LRRC53: variants seen among roughly 807,000 people sequenced by gnomAD.
LRRC53 encodes leucine rich repeat containing 53.
A neutral mutation model predicts 13.6 loss-of-function variants in LRRC53; 25 were observed. The ratio of observed to expected loss-of-function variants is 1.83; its 90% confidence interval spans 1.34 to 2.56. The LOEUF (loss-of-function observed/expected upper bound fraction) is 2.56. Among genes scored for constraint, LRRC53 ranks in the 30% most tolerant of loss-of-function variants. LRRC53 has a pLI of 0.00. For missense variants in LRRC53, 527 were observed against 275.8 expected (o/e 1.91, Z -6.45); for synonymous variants, 204 against 109.8 (o/e 1.86, Z -5.37).
rs201340993 is a variant in LRRC53, at chr1:74,492,212, G to C, written c.-26-8837C>G. 41 of 1,612,732 alleles carry C rather than the reference G, an allele frequency of 2.5e-5. No homozygotes were observed. The highest frequency in any genetic ancestry group is 2.8e-5 in the Non-Finnish European group (33 of 1,179,068). On this transcript the variant is annotated intron_variant, in intron 1 of 4. Transcript: ENST00000294635. ...AGTCATGTGGCAGCATTAAGAAGTCGTTTCGAATTGGAATATGCTCTAAAT... is the reference window on the plus strand; with the variant it reads ...AGTCATGTGGCAGCATTAAGAAGTCCTTTCGAATTGGAATATGCTCTAAAT...
chr1:74,475,210 C>T (rs1440853377), intron 4 of LRRC53, 85 bp downstream of exon 4: 4 of 593,506 alleles, frequency 6.7e-6, no homozygotes, highest in Non-Finnish European at 1.2e-5. Flanking sequence ...TATAGTATTT[C>T]CTGTTGAGGA....
At chr1:74,476,815 C>A (rs1027353665) in intron 3 of LRRC53, among the ~76,000 whole-genome samples, 7 of 151,926 alleles carry the variant, frequency 4.6e-5, no homozygotes, top group Non-Finnish European at 1.0e-4. Context: ...CCACTGGAGA[C>A]AATATTAATG....
At chr1:74,499,605 TG>T (rs1481943151) in intron 1 of LRRC53, among the ~76,000 whole-genome samples, 6 of 152,232 alleles carry the variant, frequency 3.9e-5, no homozygotes, top group Non-Finnish European at 5.9e-5. Flanking sequence ...AGGCATCCAC[TG>T]GGGGTCTTGG....
Position 74,497,564 on chromosome 1 carries a change from G to GCA in LRRC53, c.-26-14191_-26-14190dup, listed in dbSNP as rs748626223. Among the ~76,000 whole-genome samples the GCA allele has an allele frequency of 3.5e-3, 515 of 147,362 alleles. 1 individual carries two copies. Among genetic ancestry groups the GCA allele is most frequent in the African/African-American group, 5.8e-3 (234 of 40,310 alleles). ...TGGCTTCAACTCACACCACATACAT[G>GCA]CACACACACACACACACATACACAT... On this transcript the variant is annotated intron_variant, in intron 1 of 4. Coordinates refer to ENST00000294635, the MANE Select transcript of LRRC53 (RefSeq NM_001382280.1).
intron 3 of LRRC53, among the ~76,000 whole-genome samples, chr1:74,477,283 T>C (rs142552044): frequency 1.2e-4 from 19 of 152,276 alleles, no homozygotes; most frequent in Admixed American, 4.6e-4. Flanking sequence ...CTCTAACACT[T>C]ATTTTTTTTC....
chr1:74,517,736 A>C, the LRRC53 span, among the ~76,000 whole-genome samples: 1 of 152,182 alleles, frequency 6.6e-6, no homozygotes, highest in Non-Finnish European at 1.5e-5. Context: ...TTTGAAACTA[A>C]GACATCTTAG....
chr1:74,527,946 G>A, the LRRC53 span, among the ~76,000 whole-genome samples: 38 of 152,156 alleles, frequency 2.5e-4, no homozygotes, highest in Non-Finnish European at 5.6e-4. Context: ...GTGGGAGAAG[G>A]AAAGGGTTTC....
At chr1:74,497,694 C>A (rs968967905) in intron 1 of LRRC53, among the ~76,000 whole-genome samples, 3 of 152,104 alleles carry the variant, frequency 2.0e-5, no homozygotes, top group African/African-American at 7.2e-5. Flanking sequence ...TTTGCAACAT[C>A]TTTAACTTCT....
chr1:74,498,725 CT>C (rs201827923), intron 1 of LRRC53, among the ~76,000 whole-genome samples: 1 of 152,042 alleles, frequency 6.6e-6, no homozygotes, highest in African/African-American at 2.4e-5. Flanking sequence ...CTTTTCCAGT[CT>C]TCCCCCCGAC....
the LRRC53 span, among the ~76,000 whole-genome samples, chr1:74,530,656 G>A: frequency 2.6e-5 from 4 of 152,008 alleles, no homozygotes; most frequent in African/African-American, 4.8e-5. Flanking sequence ...TTGGTAAGAT[G>A]GTAGGTGGGA....
At position 74,480,194 on chromosome 1, in the gene LRRC53, G is replaced by C; in HGVS notation, c.863C>G (p.Pro288Arg). The change falls in exon 3 of 5, where the codon CCA becomes CGA. Residue 288 changes from proline (P) to arginine (R), a missense_variant. Physicochemically the swap from Pro to Arg is moderately radical, Grantham distance 103. Transcript: ENST00000294635. Reference sequence around the variant, plus strand: ...AGTCAGCAGGGCCACATCTGGTCCTGGGAGGAGGGGACTTCTGTCCTTTAG... The same window carrying C: ...AGTCAGCAGGGCCACATCTGGTCCTCGGAGGAGGGGACTTCTGTCCTTTAG... ...LVLKDRSPLLPGPDVALLTVL... is the reference protein window; with the variant it reads ...LVLKDRSPLLRGPDVALLTVL... 1.4e-6 allele frequency: 1 copy of C among 717,462 alleles called. No homozygotes were observed. Among genetic ancestry groups the C allele is most frequent in the South Asian group, 1.5e-5 (1 of 67,598 alleles). The allele number at this position is 717,462 out of a possible 1,614,324, so 44.4% of individuals were successfully genotyped here.
the LRRC53 span, among the ~76,000 whole-genome samples, chr1:74,531,517 G>A: frequency 2.6e-5 from 4 of 152,246 alleles, no homozygotes; most frequent in Middle Eastern, 6.8e-3. Flanking sequence ...GCATAGAAAG[G>A]CATTTACCCC....
chr1:74,477,667 A>T (rs532492434), intron 3 of LRRC53, among the ~76,000 whole-genome samples: 1 of 152,150 alleles, frequency 6.6e-6, no homozygotes, highest in East Asian at 1.9e-4. Flanking sequence ...GGACCCACTC[A>T]CTCCCCTGCT....
upstream of LRRC53, among the ~76,000 whole-genome samples, chr1:74,517,222 A>T (rs1646362518): frequency 6.6e-6 from 1 of 152,216 alleles, no homozygotes; most frequent in Non-Finnish European, 1.5e-5. Flanking sequence ...CATTAATCCA[A>T]TTTTACAGAT....
At chr1:74,523,708 G>T in the LRRC53 span, among the ~76,000 whole-genome samples, 1 of 152,158 alleles carries the variant, frequency 6.6e-6, no homozygotes, top group Non-Finnish European at 1.5e-5. Context: ...CCTATTTGTT[G>T]GTAATTGCTA....
At chr1:74,515,139 C>G (rs995885766), upstream of LRRC53, among the ~76,000 whole-genome samples, 6 of 152,080 alleles carry the variant, frequency 3.9e-5, no homozygotes, top group African/African-American at 1.5e-4. Context: ...GACTTTTAAC[C>G]TGCATAACAG....
chr1:74,507,235 T>G (rs1669955057), intron 1 of LRRC53, among the ~76,000 whole-genome samples: 1 of 82,072 alleles, frequency 1.2e-5, no homozygotes, highest in African/African-American at 3.7e-5. Flanking sequence ...CCCCCCCCCA[T>G]CTTTTTAACA....
At chr1:74,522,653 A>T in the LRRC53 span, among the ~76,000 whole-genome samples, 132,844 of 146,180 alleles carry the variant, frequency 0.91, 60,105 homozygotes, top group Non-Finnish European at 0.96. Context: ...TGTGTGTGTG[A>T]GAGAGAGAGA....
chr1:74,529,044 C>G, the LRRC53 span, among the ~76,000 whole-genome samples: 1 of 152,010 alleles, frequency 6.6e-6, no homozygotes, highest in African/African-American at 2.4e-5. Flanking sequence ...TAAATGATGA[C>G]AGTGACATCA....
Sources: gnomAD v4.1 joint callset for allele counts (sites outside exome capture counted in the v4.1 genomes callset) on GRCh38, gnomAD v4.1.1 for gene constraint, MANE v1.5 for transcripts, NCBI Gene and HGNC (gene_info 2026-07-23, HGNC 2026-07-21) for gene names.